PDE4B: variants seen among roughly 807,000 people sequenced by gnomAD.
PDE4B encodes 3',5'-cyclic-AMP phosphodiesterase 4B.
A neutral mutation model predicts 82.2 loss-of-function variants in PDE4B; 20 were observed. The ratio of observed to expected loss-of-function variants is 0.24; its 90% confidence interval spans 0.17 to 0.35. PDE4B has a LOEUF of 0.35. Ranked by LOEUF, PDE4B falls within the 10% of genes least tolerant of loss-of-function variation. PDE4B has a pLI of 1.00. For missense variants in PDE4B, 655 were observed against 907.2 expected (o/e 0.72, Z 3.57); for synonymous variants, 320 against 318.9 (o/e 1.00, Z -0.04).
In PDE4B at chr1:66,141,310, A is replaced by G. The variant is rs183877587; in HGVS notation, c.282-106150A>G. On this transcript the variant is annotated intron_variant, in intron 3 of 16. Coordinates refer to ENST00000341517, the MANE Select transcript of PDE4B (RefSeq NM_002600.4). Reference sequence around the variant, plus strand: ...TGTGGTAAATGGCAGCCAGCAGTGCAGATAGAAAGCTTTGAGAATATATAT... The same window carrying G: ...TGTGGTAAATGGCAGCCAGCAGTGCGGATAGAAAGCTTTGAGAATATATAT... Among the ~76,000 whole-genome samples, 191 of 143,360 alleles carry G rather than the reference A, an allele frequency of 1.3e-3. 1 individual carries two copies. The highest frequency in any genetic ancestry group is 4.7e-3 in the African/African-American group (180 of 38,078). 94.0% of individuals were successfully genotyped at this position (143,360 alleles called of 152,430 possible).
chr1:65,939,113 A>C (rs1040283270), intron 3 of PDE4B, among the ~76,000 whole-genome samples: 7 of 152,068 alleles, frequency 4.6e-5, no homozygotes, highest in African/African-American at 1.7e-4. Flanking sequence ...AGGACAGAGA[A>C]ATTCTGTTTT....
At chr1:65,996,596 A>G (rs1211767525) in intron 3 of PDE4B, among the ~76,000 whole-genome samples, 1 of 152,190 alleles carries the variant, frequency 6.6e-6, no homozygotes, top group Admixed American at 6.6e-5. Context: ...CATTTGGAAT[A>G]TAAGTATACT....
chr1:65,898,672 G>T (rs1646938141), intron 1 of PDE4B, among the ~76,000 whole-genome samples: 1 of 151,988 alleles, frequency 6.6e-6, no homozygotes, highest in Non-Finnish European at 1.5e-5. Flanking sequence ...AATACTTACA[G>T]ACAACTGATC....
At chr1:65,880,568 T>C (rs2100340121) in intron 1 of PDE4B, among the ~76,000 whole-genome samples, 1 of 152,272 alleles carries the variant, frequency 6.6e-6, no homozygotes, top group South Asian at 2.1e-4. Flanking sequence ...AATGCCTTCA[T>C]AAAAGTGACC....
chr1:66,372,516 T>C lies in PDE4B; in HGVS notation c.2049T>C (p.Thr683=). ...TGGAGAAGTTTCAGTTTGAACTGACTCTCGATGAGGAAGATTCTGAAGGAC... is the reference window on the plus strand; with the variant it reads ...TGGAGAAGTTTCAGTTTGAACTGACCCTCGATGAGGAAGATTCTGAAGGAC... ...GLMEKFQFEL[T]LDEEDSEGPE... is the part of the protein sequence containing the mutation. Residue 683 remains threonine, a synonymous_variant, in exon 17 of 17, where the codon ACT becomes ACC. Coordinates refer to ENST00000341517, the MANE Select transcript of PDE4B (RefSeq NM_002600.4). 6.2e-7 allele frequency: 1 copy of C among 1,614,100 alleles called. No homozygotes were observed. The highest frequency in any genetic ancestry group is 2.2e-5 in the East Asian group (1 of 44,882).
intron 7 of PDE4B, among the ~76,000 whole-genome samples, chr1:66,324,517 CT>C (rs1356757551): frequency 6.6e-6 from 1 of 152,030 alleles, no homozygotes; most frequent in Non-Finnish European, 1.5e-5. Context: ...AGTGAAAGTG[CT>C]TGGTAAACTG....
intron 3 of PDE4B, among the ~76,000 whole-genome samples, chr1:65,998,266 C>T (rs535771609): frequency 2.6e-5 from 4 of 152,232 alleles, no homozygotes; most frequent in East Asian, 3.9e-4. Flanking sequence ...ACTCTGAGCA[C>T]GAGTGAAAAT....
Position 66,294,374 on chromosome 1 carries a change from A to T in PDE4B, c.634+28287A>T, listed in dbSNP as rs17128746. The stretch of plus-strand genomic sequence containing the variant: ...TCAACTTCTGATTGTTTATTCATGG[A>T]CATATGTATGTGCTGACCCACAAAA... On this transcript the variant is annotated intron_variant, in intron 7 of 16. Coordinates refer to ENST00000341517, the MANE Select transcript of PDE4B (RefSeq NM_002600.4). Among the ~76,000 whole-genome samples, 1,108 of 152,252 alleles carry T rather than the reference A, an allele frequency of 7.3e-3. 38 individuals are homozygous for T. In the East Asian group the frequency reaches 0.11, roughly 15 times the overall value.
chr1:66,185,488 C>A (rs1647170458), intron 3 of PDE4B, among the ~76,000 whole-genome samples: 1 of 151,972 alleles, frequency 6.6e-6, no homozygotes, highest in South Asian at 2.1e-4. Context: ...TTCTCCACAT[C>A]CTCTCCAGCA....
intron 3 of PDE4B, among the ~76,000 whole-genome samples, chr1:65,934,729 T>C (rs1648028449): frequency 6.6e-6 from 1 of 152,278 alleles, no homozygotes; most frequent in Non-Finnish European, 1.5e-5. Flanking sequence ...TGGCTATACT[T>C]ATATCAGACA....
chr1:66,354,221 T>A (rs1398662195), intron 8 of PDE4B, among the ~76,000 whole-genome samples: 1 of 152,200 alleles, frequency 6.6e-6, no homozygotes, highest in Admixed American at 6.5e-5. Flanking sequence ...ATTAATCAAA[T>A]GCATCATCAC....
intron 3 of PDE4B, among the ~76,000 whole-genome samples, chr1:65,952,734 G>T (rs1263152823): frequency 6.6e-6 from 1 of 151,868 alleles, no homozygotes; most frequent in Non-Finnish European, 1.5e-5. Flanking sequence ...TTATAGTCAG[G>T]CAAACTACAC....
intron 2 of PDE4B, among the ~76,000 whole-genome samples, chr1:65,914,454 A>ACTTCTTCTT (rs57338201): frequency 3.4e-4 from 49 of 145,386 alleles, no homozygotes; most frequent in African/African-American, 1.1e-3. Flanking sequence ...GGCAGCATTT[A>ACTTCTTCTT]CTTCTTCTTC....
At chr1:66,010,946 G>A (rs1050486151) in intron 3 of PDE4B, among the ~76,000 whole-genome samples, 61 of 151,078 alleles carry the variant, frequency 4.0e-4, no homozygotes, top group African/African-American at 1.4e-3. Context: ...TGGGAATTTT[G>A]AAAGTCATTG....
chr1:66,101,984 T>C (rs902524836), intron 3 of PDE4B, among the ~76,000 whole-genome samples: 1 of 152,220 alleles, frequency 6.6e-6, no homozygotes, highest in Non-Finnish European at 1.5e-5. Context: ...TTTAAGTCTT[T>C]AATCCATCTT....
In PDE4B at chr1:65,949,800, C is replaced by T. The variant is rs566816144; in HGVS notation, c.281+30965C>T. Among the ~76,000 whole-genome samples the T allele has an allele frequency of 1.3e-3, 201 of 151,894 alleles. 3 individuals are homozygous for T. The South Asian group carries it at 0.022, about 16-fold the overall frequency. ...CGTGTGTGTGTGTGTGTAGCTCTGT[C>T]TTCCAATAAGAGATAATTGGTCACA... On this transcript the variant is annotated intron_variant, in intron 3 of 16. Transcript: ENST00000341517.
At chr1:66,162,192 C>G (rs1413402698) in intron 3 of PDE4B, among the ~76,000 whole-genome samples, 1 of 151,798 alleles carries the variant, frequency 6.6e-6, no homozygotes, top group Non-Finnish European at 1.5e-5. Flanking sequence ...CTAAGGTGCC[C>G]TGAGGCTCTA....
chr1:65,824,371 T>G (rs1645990923), intron 1 of PDE4B, among the ~76,000 whole-genome samples: 1 of 152,062 alleles, frequency 6.6e-6, no homozygotes, highest in Non-Finnish European at 1.5e-5. Context: ...TTCTTAGTGA[T>G]GAAAAACAGT....
chr1:66,299,853 T>C (rs1381131896), intron 7 of PDE4B, among the ~76,000 whole-genome samples: 1 of 152,192 alleles, frequency 6.6e-6, no homozygotes, highest in Admixed American at 6.5e-5. Context: ...TGAGAGTTTT[T>C]ATCATTAAGG....
Sources: allele counts gnomAD v4.1 joint callset (sites outside exome capture counted in the v4.1 genomes callset), GRCh38; gene constraint gnomAD v4.1.1; transcripts MANE v1.5; gene names NCBI Gene and HGNC (gene_info 2026-07-23, HGNC 2026-07-21).